The following PPP2R2C variants were observed in gnomAD, a reference collection of about 807,000 sequenced individuals.
PPP2R2C encodes the protein protein phosphatase 2, regulatory subunit B, gamma.
A neutral mutation model predicts 45.3 loss-of-function variants in PPP2R2C; 10 were observed. The observed-to-expected ratio is 0.22, with a 90% CI of 0.14 to 0.37. The LOEUF (loss-of-function observed/expected upper bound fraction) is 0.37, where lower values mean the gene tolerates loss of function less well. Among genes scored for constraint, PPP2R2C ranks in the 10% least tolerant of loss-of-function variants. The probability of loss-of-function intolerance (pLI) is 1.00; values close to 1 mark genes in which losing one functional copy is unlikely to be tolerated. For synonymous variants in PPP2R2C, 257 were observed against 245.4 expected (o/e 1.05, Z -0.44); for missense variants, 308 against 619.7 (o/e 0.50, Z 5.34).
intron 2 of PPP2R2C, among the ~76,000 whole-genome samples, chr4:6,511,547 T>G (rs1560593928): frequency 1.0e-4 from 1 of 9,880 alleles, no homozygotes; most frequent in Non-Finnish European, 2.7e-4. Context: ...GTGGTGGTGA[T>G]GGTGGTGGTG....
At chr4:6,419,868 GTC>G (rs976842939) in intron 1 of PPP2R2C, among the ~76,000 whole-genome samples, 2 of 152,062 alleles carry the variant, frequency 1.3e-5, no homozygotes, top group African/African-American at 4.8e-5. Context: ...CTCTCCCTGT[GTC>G]TCTGTGTGTC....
At chr4:6,458,491 C>T (rs539264533) in intron 1 of PPP2R2C, among the ~76,000 whole-genome samples, 20 of 152,300 alleles carry the variant, frequency 1.3e-4, no homozygotes, top group African/African-American at 4.8e-4. Context: ...CCCATGAGGG[C>T]TCCACCCTCA....
At chr4:6,411,252 G>C (rs1718172891) in intron 1 of PPP2R2C, among the ~76,000 whole-genome samples, 1 of 152,148 alleles carries the variant, frequency 6.6e-6, no homozygotes, top group African/African-American at 2.4e-5. Context: ...CCAGGAAGTG[G>C]TGGGGCCAGG....
At chr4:6,349,105 G>C in intron 5 of PPP2R2C, 1 of 985,310 alleles carries the variant, frequency 1.0e-6, no homozygotes, top group Non-Finnish European at 1.2e-6. Flanking sequence ...TGGCACCCCC[G>C]AGCTTCTCTC....
upstream of PPP2R2C, among the ~76,000 whole-genome samples, chr4:6,472,888 G>C (rs997182845): frequency 1.3e-5 from 2 of 152,026 alleles, no homozygotes; most frequent in Admixed American, 1.3e-4. Flanking sequence ...AAGGCCAAGA[G>C]CCGGGGTGCT....
Position 6,382,648 on chromosome 4 carries a change from C to T in PPP2R2C, c.71-1554G>A, listed in dbSNP as rs866195964. On this transcript the variant is annotated intron_variant, in intron 1 of 8. Transcript: ENST00000382599. ...TCTCTCTCTCTCTCTCTCTCTCTCT[C>T]TCTCTCTCTCTCTCTCTCTCTCTCT... The T allele has an allele frequency of 1.9e-5, 6 of 309,022 alleles. No homozygotes were observed. The Admixed American group carries it at 2.7e-4, about 14-fold the overall frequency. 19.1% of individuals were successfully genotyped at this position (309,022 alleles called of 1,614,324 possible).
intron 1 of PPP2R2C, among the ~76,000 whole-genome samples, chr4:6,424,562 G>A (rs1384538896): frequency 6.6e-6 from 1 of 152,204 alleles, no homozygotes; most frequent in Non-Finnish European, 1.5e-5. Flanking sequence ...CAGGGAGGCC[G>A]GAGAGCCAGA....
At chr4:6,335,235 G>A (rs56298118) in intron 6 of PPP2R2C, among the ~76,000 whole-genome samples, 35,596 of 152,088 alleles carry the variant, frequency 0.23, 4,395 homozygotes, top group Admixed American at 0.27. Context: ...GCCCTCCACC[G>A]CCAGGGAGCA....
intron 2 of PPP2R2C, among the ~76,000 whole-genome samples, chr4:6,489,151 G>C (rs1174807791): frequency 1.3e-5 from 2 of 152,120 alleles, no homozygotes; most frequent in African/African-American, 4.8e-5. Context: ...CCTGCAACGT[G>C]GCCAGGAATC....
In PPP2R2C at chr4:6,375,888, C is replaced by T. The variant is rs896915961; in HGVS notation, c.378G>A (p.Arg126=). ...KLWKITERDK[R]PEGYNLKDEE... Reference sequence around the variant, plus strand: ...CATCCTTCAGGTTGTATCCTTCGGGCCTTTTATCTCGTTCGGTAATCTTCC... The same window carrying T: ...CATCCTTCAGGTTGTATCCTTCGGGTCTTTTATCTCGTTCGGTAATCTTCC... Residue 126 remains arginine (R), a synonymous_variant, in exon 4 of 9, where the codon AGG becomes AGA. Coordinates refer to ENST00000382599, the MANE Select transcript of PPP2R2C (RefSeq NM_020416.4). 2 of 1,614,010 alleles carry T rather than the reference C, an allele frequency of 1.2e-6. No individual in the cohort carries two copies. The highest frequency in any genetic ancestry group is 2.7e-5 in the African/African-American group (2 of 74,938).
At chr4:6,529,352 C>T (rs1011270114) in intron 2 of PPP2R2C, among the ~76,000 whole-genome samples, 1 of 152,256 alleles carries the variant, frequency 6.6e-6, no homozygotes, top group Non-Finnish European at 1.5e-5. Flanking sequence ...CTCCTCTAGG[C>T]ACCACCTGAG....
At chr4:6,352,986 G>A (rs1163386116) in intron 5 of PPP2R2C, among the ~76,000 whole-genome samples, 1 of 152,150 alleles carries the variant, frequency 6.6e-6, no homozygotes, top group African/African-American at 2.4e-5. Context: ...AGGCAGAGAT[G>A]GGAGCGATGG....
chr4:6,457,324 A>G (rs1721096175), intron 1 of PPP2R2C, among the ~76,000 whole-genome samples: 1 of 152,176 alleles, frequency 6.6e-6, no homozygotes, highest in Non-Finnish European at 1.5e-5. Context: ...TCAAGACATT[A>G]AAAAGTCTTT....
At chr4:6,419,193 G>A (rs1426238266) in intron 1 of PPP2R2C, among the ~76,000 whole-genome samples, 2 of 152,162 alleles carry the variant, frequency 1.3e-5, no homozygotes, top group Non-Finnish European at 2.9e-5. Flanking sequence ...TGAGGCAGGC[G>A]GATCACCTGA....
chr4:6,384,526 C>G, intron 1 of PPP2R2C: 1 of 975,708 alleles, frequency 1.0e-6, no homozygotes, highest in South Asian at 4.7e-5. Context: ...ATATATAAAA[C>G]GCTGCACATA....
At chr4:6,363,589 A>AG (rs1425720284) in intron 5 of PPP2R2C, among the ~76,000 whole-genome samples, 2 of 151,962 alleles carry the variant, frequency 1.3e-5, no homozygotes, top group East Asian at 3.9e-4. Flanking sequence ...AAAAAAAAAA[A>AG]GAAAAGAAAA....
At chr4:6,450,642 A>G (rs1720689743) in intron 1 of PPP2R2C, among the ~76,000 whole-genome samples, 1 of 152,192 alleles carries the variant, frequency 6.6e-6, no homozygotes, top group Non-Finnish European at 1.5e-5. Context: ...CTGGAGCCCC[A>G]GAGGTGCACG....
intron 5 of PPP2R2C, 106 bp from the exon 6 acceptor site, chr4:6,348,116 G>T (rs957857062): frequency 7.6e-7 from 1 of 1,313,916 alleles, no homozygotes; most frequent in East Asian, 2.3e-5. Flanking sequence ...CCACCCTCGC[G>T]TCTGAGCTGC....
At chr4:6,337,642 C>A (rs545954196) in intron 6 of PPP2R2C, among the ~76,000 whole-genome samples, 1 of 152,160 alleles carries the variant, frequency 6.6e-6, no homozygotes, top group Non-Finnish European at 1.5e-5. Context: ...TGGATTCAGC[C>A]AGAATCACAG....
Sources: allele counts gnomAD v4.1 joint callset (sites outside exome capture counted in the v4.1 genomes callset), GRCh38; gene constraint gnomAD v4.1.1; transcripts MANE v1.5; gene names NCBI Gene and HGNC (gene_info 2026-07-23, HGNC 2026-07-21).